PLEKHA6: variants seen among roughly 807,000 people sequenced by gnomAD.
PLEKHA6 encodes pleckstrin homology domain containing A6.
A neutral mutation model predicts 116.7 loss-of-function variants in PLEKHA6; 60 were observed. The observed-to-expected ratio is 0.51, with a 90% CI of 0.42 to 0.64. PLEKHA6 has a LOEUF of 0.64. Among genes scored for constraint, PLEKHA6 ranks in the 30% least tolerant of loss-of-function variants. PLEKHA6 has a pLI of 0.00. For synonymous variants in PLEKHA6, 489 were observed against 556.1 expected (o/e 0.88, Z 1.70); for missense variants, 1,338 against 1,422.7 (o/e 0.94, Z 0.96).
chr1:204,257,540 C>T lies in PLEKHA6; in HGVS notation c.1337G>A (p.Arg446His), dbSNP rs190536669. The change falls in exon 9 of 23, where the codon CGC becomes CAC. Residue 446 changes from arginine (R) to histidine (H), a missense_variant. Arg to His is a conservative substitution (Grantham distance 29). Coordinates refer to ENST00000272203, the MANE Select transcript of PLEKHA6 (RefSeq NM_014935.5). The surrounding 1 kb of genome is among the most constrained non-coding windows in gnomAD (Gnocchi z 6.5). Reference sequence around the variant, plus strand: ...GTGGGAGCGGGGCTGCAGGGACAGGCGGCGCAGGGAGCTAGAGGCGGCATC... The same window carrying T: ...GTGGGAGCGGGGCTGCAGGGACAGGTGGCGCAGGGAGCTAGAGGCGGCATC... Reference protein sequence around the residue: ...ELDAASSSLRRLSLQPRSHSV... With the variant: ...ELDAASSSLRHLSLQPRSHSV... 1.4e-4 allele frequency: 224 copies of T among 1,594,188 alleles called. No individual in the cohort carries two copies. Among genetic ancestry groups the T allele is most frequent in the Middle Eastern group, 5.1e-4 (3 of 5,904 alleles).
chr1:204,309,224 G>T (rs2103141256), intron 1 of PLEKHA6: 2 of 180,252 alleles, frequency 1.1e-5, no homozygotes, highest in Admixed American at 6.5e-5. Flanking sequence ...CAACCTCCAG[G>T]CTCCAAGCTT....
rs1672055334 is a variant in PLEKHA6 at position 204,321,365 on chromosome 1, A to G, written c.-95+38329T>C. ...TGCCCCATGTCTGCTTATAACTTTTAAAGGATTAAGTTCAGCCTCCTGTGT... is the reference window on the plus strand; with the variant it reads ...TGCCCCATGTCTGCTTATAACTTTTGAAGGATTAAGTTCAGCCTCCTGTGT... On this transcript the variant is annotated intron_variant, in intron 1 of 22. Transcript: ENST00000272203. Among the ~76,000 whole-genome samples, 5 of 152,066 alleles carry G rather than the reference A, an allele frequency of 3.3e-5. No homozygotes were observed. In the South Asian group the frequency reaches 1.0e-3, roughly 32 times the overall value.
intron 1 of PLEKHA6, among the ~76,000 whole-genome samples, chr1:204,349,089 G>T (rs1190141687): frequency 6.6e-6 from 1 of 152,154 alleles, no homozygotes; most frequent in Non-Finnish European, 1.5e-5. Flanking sequence ...TCTTTTCACA[G>T]CTCTCCTCAG....
intron 1 of PLEKHA6, among the ~76,000 whole-genome samples, chr1:204,335,827 AC>A (rs1276679044): frequency 6.6e-6 from 1 of 152,042 alleles, no homozygotes; most frequent in African/African-American, 2.4e-5. Context: ...GCACATCTGT[AC>A]CTGTCTTTGG....
intron 5 of PLEKHA6, among the ~76,000 whole-genome samples, chr1:204,267,135 T>G (rs1321573044): frequency 6.6e-6 from 1 of 152,164 alleles, no homozygotes; most frequent in African/African-American, 2.4e-5. Context: ...GACCTACTAG[T>G]AGTGACTAGT....
At chr1:204,356,411 C>G (rs1227512459) in intron 1 of PLEKHA6, among the ~76,000 whole-genome samples, 2 of 152,000 alleles carry the variant, frequency 1.3e-5, no homozygotes, top group Non-Finnish European at 2.9e-5. Context: ...ATCAAAAATA[C>G]ATAAAATTAG....
intron 21 of PLEKHA6, among the ~76,000 whole-genome samples, chr1:204,227,008 C>T (rs1188235530): frequency 2.0e-5 from 3 of 152,206 alleles, no homozygotes; most frequent in Non-Finnish European, 2.9e-5. Context: ...ATACCACCAG[C>T]ACTGGAGGCA....
intron 1 of PLEKHA6, among the ~76,000 whole-genome samples, chr1:204,358,220 C>T (rs368574435): frequency 6.6e-5 from 10 of 152,326 alleles, no homozygotes; most frequent in Admixed American, 3.9e-4. Flanking sequence ...TGCCCTTGTG[C>T]AAAGACACAG....
intron 1 of PLEKHA6, chr1:204,371,617 A>G (rs1673780169): frequency 6.6e-6 from 1 of 152,230 alleles, no homozygotes; most frequent in Non-Finnish European, 1.5e-5. Context: ...CTGCAGAAAG[A>G]TCAATAAGAA....
At chr1:204,288,917 T>C (rs2103015818) in intron 1 of PLEKHA6, among the ~76,000 whole-genome samples, 1 of 152,288 alleles carries the variant, frequency 6.6e-6, no homozygotes, top group East Asian at 1.9e-4. Context: ...GTTGCAGAAA[T>C]TATTTTAGTG....
At position 204,261,828 on chromosome 1, in the gene PLEKHA6, T is replaced by A; in HGVS notation, c.382-380A>T. 5.5e-6 allele frequency: 2 copies of A among 360,404 alleles called. No homozygotes were observed. The highest frequency in any genetic ancestry group is 1.0e-5 in the Non-Finnish European group (2 of 200,824). The allele number at this position is 360,404 out of a possible 1,614,324, so 22.3% of individuals were successfully genotyped here. The stretch of plus-strand genomic sequence containing the variant: ...CCCATGTCTGGGAGAGAGGACCCCC[T>A]GAGCACATGCCAATCTTAGCCCCAG... On this transcript the variant is annotated intron_variant, in intron 6 of 22. Coordinates refer to ENST00000272203, the MANE Select transcript of PLEKHA6 (RefSeq NM_014935.5). This position sits in a 1 kb window ranked among gnomAD's most constrained non-coding sequence, Gnocchi z 4.0.
At chr1:204,328,706 T>A (rs1672340917) in intron 1 of PLEKHA6, among the ~76,000 whole-genome samples, 3 of 152,240 alleles carry the variant, frequency 2.0e-5, no homozygotes. Context: ...CTTTCAATTG[T>A]CTGCTGCTAC....
chr1:204,330,968 G>A (rs1435213352), intron 1 of PLEKHA6, among the ~76,000 whole-genome samples: 1 of 152,178 alleles, frequency 6.6e-6, no homozygotes, highest in African/African-American at 2.4e-5. Flanking sequence ...GCCAAGGCAG[G>A]CAGATCACCT....
intron 1 of PLEKHA6, among the ~76,000 whole-genome samples, chr1:204,321,020 G>A (rs1672043068): frequency 6.6e-6 from 1 of 152,080 alleles, no homozygotes; most frequent in African/African-American, 2.4e-5. Flanking sequence ...ATGATGAAGG[G>A]GGAGGTCCAG....
chr1:204,320,969 G>A (rs1672040701), intron 1 of PLEKHA6, among the ~76,000 whole-genome samples: 1 of 152,208 alleles, frequency 6.6e-6, no homozygotes, highest in Non-Finnish European at 1.5e-5. Context: ...CTATTTCCAA[G>A]GGATCTTGTA....
chr1:204,274,619 C>T (rs1667822944), intron 2 of PLEKHA6, 110 bp downstream of exon 2: 2 of 985,648 alleles, frequency 2.0e-6, no homozygotes, highest in Non-Finnish European at 2.4e-6. Context: ...CAAAGCCCTT[C>T]TGCTTTCCTT....
At chr1:204,351,134 CCAGCCGGGCTACCGAG>C (rs1315967971) in intron 1 of PLEKHA6, among the ~76,000 whole-genome samples, 4 of 152,218 alleles carry the variant, frequency 2.6e-5, no homozygotes, top group Non-Finnish European at 5.9e-5. Context: ...GGTCAGGGGA[CCAGCCGGGCTACCGAG>C]CAGCTGGGAT....
In PLEKHA6 at chr1:204,259,277, G is replaced by A. The variant is rs1461880005; in HGVS notation, c.988C>T (p.Pro330Ser). The A allele has an allele frequency of 6.2e-7, 1 of 1,613,770 alleles. No homozygotes were observed. Among genetic ancestry groups the A allele is most frequent in the East Asian group, 2.2e-5 (1 of 44,892 alleles). ...CCTCACCTCCGAAGGTCTTCAGGCGGGGGTACCCCCCGGCGCAGATTCACC... is the reference window on the plus strand; with the variant it reads ...CCTCACCTCCGAAGGTCTTCAGGCGAGGGTACCCCCCGGCGCAGATTCACC... The part of the protein sequence containing the change: ...QWVNLRRGVP[P>S]PEDLRSPSRF... The change falls in exon 8 of 23, where the codon CCG becomes TCG. Residue 330 changes from proline to serine, a missense_variant. Physicochemically the swap from Pro to Ser is moderately conservative, Grantham distance 74. Transcript: ENST00000272203. This position sits in a 1 kb window ranked among gnomAD's most constrained non-coding sequence, Gnocchi z 4.6.
chr1:204,228,612 C>T lies in PLEKHA6; in HGVS notation c.2885+116G>A. 1 of 940,992 alleles carries T rather than the reference C, an allele frequency of 1.1e-6. No homozygotes were observed. The highest frequency in any genetic ancestry group is 1.7e-6 in the Non-Finnish European group (1 of 598,010). 58.3% of individuals were successfully genotyped at this position (940,992 alleles called of 1,614,324 possible). A position where few individuals can be genotyped will look rare whatever the true frequency, so the allele number is the denominator to read the frequency against. ...GGGCCCTGTCTGCTGCCTGGAGTCACCACCTCGATGTGCTCTCCCCTGGGG... is the reference window on the plus strand; with the variant it reads ...GGGCCCTGTCTGCTGCCTGGAGTCATCACCTCGATGTGCTCTCCCCTGGGG... On this transcript the variant is annotated intron_variant, in intron 20 of 22. Coordinates refer to ENST00000272203, the MANE Select transcript of PLEKHA6 (RefSeq NM_014935.5). This position sits in a 1 kb window ranked among gnomAD's most constrained non-coding sequence, Gnocchi z 4.0.
Sources: allele counts gnomAD v4.1 joint callset (sites outside exome capture counted in the v4.1 genomes callset), GRCh38; gene constraint gnomAD v4.1.1; non-coding constraint Gnocchi (gnomAD v3.1); transcripts MANE v1.5; gene names NCBI Gene and HGNC (gene_info 2026-07-23, HGNC 2026-07-21).